TENM2: variants seen among roughly 807,000 people sequenced by gnomAD.
TENM2 encodes teneurin-2.
In TENM2, 52 loss-of-function variants were observed where a neutral mutation model predicts 245.2. That is an observed-to-expected ratio of 0.21 (90% CI 0.17 to 0.27). The LOEUF is 0.27. Among genes scored for constraint, TENM2 ranks in the 10% least tolerant of loss-of-function variants. TENM2 has a pLI of 1.00. For missense variants in TENM2, 3,046 were observed against 3,666.8 expected (o/e 0.83, Z 4.37); for synonymous variants, 1,363 against 1,438.9 (o/e 0.95, Z 1.19).
At chr5:168,047,472 G>T in exon 6 of TENM2, 1 of 1,551,704 alleles carries the variant, frequency 6.4e-7, no homozygotes, top group East Asian at 2.4e-5. Context: ...CCTGCAGATG[G>T]GCACACCTTT....
chr5:167,233,208 A>G, the TENM2 span, among the ~76,000 whole-genome samples: 7 of 152,188 alleles, frequency 4.6e-5, no homozygotes, highest in South Asian at 6.2e-4. Flanking sequence ...AATTAGATAA[A>G]TATTTTCCTA....
At chr5:167,489,161 A>T (rs1768272709) in intron 2 of TENM2, among the ~76,000 whole-genome samples, 1 of 152,208 alleles carries the variant, frequency 6.6e-6, no homozygotes, top group South Asian at 2.1e-4. Context: ...TGGCAGCCAG[A>T]ACAATCCTTT....
chr5:167,458,783 T>C (rs1054456703), intron 2 of TENM2, among the ~76,000 whole-genome samples: 1 of 152,178 alleles, frequency 6.6e-6, no homozygotes, highest in Non-Finnish European at 1.5e-5. Context: ...ATTATTATCC[T>C]CGATTCACTG....
intron 23 of TENM2, among the ~76,000 whole-genome samples, chr5:168,224,818 A>G (rs560044290): frequency 1.3e-5 from 2 of 152,178 alleles, no homozygotes; most frequent in Middle Eastern, 3.4e-3. Context: ...TCCTCCAGTA[A>G]CAAAACTCAT....
intron 2 of TENM2, among the ~76,000 whole-genome samples, chr5:167,853,126 A>C (rs570404647): frequency 4.0e-5 from 6 of 151,092 alleles, no homozygotes; most frequent in African/African-American, 1.5e-4. Context: ...CTCTACTAAA[A>C]AAATACAAAA....
chr5:167,159,571 TC>T, the TENM2 span, among the ~76,000 whole-genome samples: 1 of 152,222 alleles, frequency 6.6e-6, no homozygotes, highest in Non-Finnish European at 1.5e-5. Context: ...AGCATCATAT[TC>T]TATATGATAA....
At chr5:168,133,620 G>C (rs1004777913) in intron 12 of TENM2, among the ~76,000 whole-genome samples, 5 of 152,192 alleles carry the variant, frequency 3.3e-5, no homozygotes, top group African/African-American at 1.2e-4. Context: ...GAATTATTGA[G>C]GATAGTGAAT....
intron 19 of TENM2, 102 bp from the exon 22 acceptor site, chr5:168,211,632 T>G: frequency 2.8e-6 from 2 of 714,292 alleles, no homozygotes; most frequent in African/African-American, 1.8e-5. Flanking sequence ...CTGCCTTTTT[T>G]GGGCCCCTTT....
chr5:167,822,777 T>A (rs1647962970), intron 2 of TENM2, among the ~76,000 whole-genome samples: 1 of 152,178 alleles, frequency 6.6e-6, no homozygotes. Context: ...CTAGTCTAGC[T>A]AATTGTAGGG....
At chr5:168,262,519 C>T (rs1422761585) in exon 29 of TENM2, 2 of 1,555,934 alleles carry the variant, frequency 1.3e-6, no homozygotes, top group Non-Finnish European at 1.7e-6. Flanking sequence ...TGCTGCTCAG[C>T]ATCCGCTATG....
At chr5:167,179,969 G>A in the TENM2 span, among the ~76,000 whole-genome samples, 1 of 152,178 alleles carries the variant, frequency 6.6e-6, no homozygotes, top group African/African-American at 2.4e-5. Flanking sequence ...TCATGGAAAG[G>A]CAGGACTTGG....
intron 2 of TENM2, among the ~76,000 whole-genome samples, chr5:167,418,422 A>C (rs967370951): frequency 1.3e-5 from 2 of 152,184 alleles, no homozygotes; most frequent in African/African-American, 2.4e-5. Context: ...TGGACATTCA[A>C]CTTACTAATT....
At chr5:167,010,675 A>G in the TENM2 span, among the ~76,000 whole-genome samples, 9 of 152,324 alleles carry the variant, frequency 5.9e-5, no homozygotes, top group African/African-American at 1.9e-4. Flanking sequence ...TAAAAATTTC[A>G]CCATGGTGTT....
At chr5:168,025,349 G>A (rs1260185882) in intron 5 of TENM2, among the ~76,000 whole-genome samples, 1 of 152,192 alleles carries the variant, frequency 6.6e-6, no homozygotes, top group Admixed American at 6.5e-5. Flanking sequence ...TTTTGAGAAT[G>A]GTTAAAGTGG....
chr5:168,162,522 T>G, intron 12 of TENM2, 89 bp from the exon 15 acceptor site: 1 of 1,436,548 alleles, frequency 7.0e-7, no homozygotes, highest in East Asian at 2.4e-5. Context: ...GCGGCTGCCC[T>G]GCGGCCTTGC....
At chr5:167,446,439 G>A (rs1765211858) in intron 2 of TENM2, among the ~76,000 whole-genome samples, 1 of 152,084 alleles carries the variant, frequency 6.6e-6, no homozygotes, top group East Asian at 1.9e-4. Flanking sequence ...CATCTAGTTT[G>A]GAAAGTTTAT....
intron 3 of TENM2, among the ~76,000 whole-genome samples, chr5:167,907,559 ATATATATATATATG>A (rs1237447201): frequency 2.6e-5 from 3 of 115,578 alleles, no homozygotes; most frequent in African/African-American, 1.1e-4. Flanking sequence ...ATATATATAT[ATATATATATATATG>A]TATGTATTAT....
chr5:167,931,665 C>G (rs915271485), intron 3 of TENM2, among the ~76,000 whole-genome samples: 1 of 151,684 alleles, frequency 6.6e-6, no homozygotes, highest in Non-Finnish European at 1.5e-5. Flanking sequence ...GATTTTATAG[C>G]GAAACGTGTC....
the TENM2 span, among the ~76,000 whole-genome samples, chr5:167,036,617 C>A: frequency 3.5e-4 from 53 of 152,220 alleles, 1 homozygote; most frequent in South Asian, 0.01. Context: ...CTCCCCTCAC[C>A]CCTCCCCAGA....
Sources: gnomAD v4.1 joint callset for allele counts (sites outside exome capture counted in the v4.1 genomes callset) on GRCh38, gnomAD v4.1.1 for gene constraint, MANE v1.5 for transcripts, NCBI Gene and HGNC (gene_info 2026-07-23, HGNC 2026-07-21) for gene names.